Variants in ARID2 observed in about 807,000 individuals in gnomAD.
ARID2 encodes AT-rich interactive domain-containing protein 2.
ARID2 carries 32 observed loss-of-function variants against 184.6 expected under a neutral mutation model. The observed-to-expected ratio is 0.17, with a 90% confidence interval of 0.13 to 0.23. ARID2 has a LOEUF of 0.23. Ranked by LOEUF, ARID2 falls within the 10% of genes least tolerant of loss-of-function variation. The pLI is 1.00. For synonymous variants in ARID2, 836 were observed against 772.6 expected, an observed-to-expected ratio of 1.08 and a Z score of -1.36; for missense variants, 1,696 against 2,197.6, an observed-to-expected ratio of 0.77 and a Z score of 4.56.
rs575854513 is a variant in ARID2, at chr12:45,854,070, C to A, written c.4773+1174C>A. Among the ~76,000 whole-genome samples the A allele has an allele frequency of 2.6e-5, 4 of 152,270 alleles. No individual in the cohort carries two copies. The South Asian group carries it at 6.2e-4, about 24-fold the overall frequency. On this transcript the variant is annotated intron_variant, in intron 15 of 20. Transcript: ENST00000334344. ...GTCAGATCAGTGGCAGCATTAGATTCTCGTAGGACCACAAGCCCTATCGTG... is the reference window on the plus strand; with the variant it reads ...GTCAGATCAGTGGCAGCATTAGATTATCGTAGGACCACAAGCCCTATCGTG...
chr12:45,826,270 A>T (rs894076898), intron 6 of ARID2, among the ~76,000 whole-genome samples: 3 of 152,080 alleles, frequency 2.0e-5, no homozygotes, highest in Non-Finnish European at 4.4e-5. Flanking sequence ...AAAGTATTTC[A>T]ACAAATAGGA....
intron 16 of ARID2, among the ~76,000 whole-genome samples, chr12:45,888,534 G>T (rs1208350136): frequency 6.6e-6 from 1 of 152,140 alleles, no homozygotes; most frequent in Non-Finnish European, 1.5e-5. Context: ...CAGAGTAGAG[G>T]ATTAACAAGA....
chr12:45,743,998 ATTTTT>A (rs554183334), intron 3 of ARID2, among the ~76,000 whole-genome samples: 8 of 149,490 alleles, frequency 5.4e-5, no homozygotes, highest in Middle Eastern at 3.5e-3. Flanking sequence ...TTTATGATTG[ATTTTT>A]TTTTCTTTTT....
At chr12:45,786,611 G>C (rs1942199491) in intron 3 of ARID2, among the ~76,000 whole-genome samples, 1 of 152,140 alleles carries the variant, frequency 6.6e-6, no homozygotes, top group Non-Finnish European at 1.5e-5. Flanking sequence ...TAGAACTACT[G>C]TGTGATCCAG....
chr12:45,875,927 C>T (rs980115347), intron 16 of ARID2, among the ~76,000 whole-genome samples: 1 of 152,250 alleles, frequency 6.6e-6, no homozygotes, highest in East Asian at 1.9e-4. Flanking sequence ...AAGGCTCTTT[C>T]ACTTTCCTGA....
At chr12:45,858,111 C>T (rs954402724) in intron 15 of ARID2, among the ~76,000 whole-genome samples, 1 of 152,170 alleles carries the variant, frequency 6.6e-6, no homozygotes, top group African/African-American at 2.4e-5. Flanking sequence ...ATTCTTGTTC[C>T]TTACAAGGTT....
intron 4 of ARID2, among the ~76,000 whole-genome samples, chr12:45,814,374 G>A (rs924889297): frequency 2.6e-5 from 4 of 152,182 alleles, no homozygotes; most frequent in African/African-American, 9.7e-5. Flanking sequence ...ATATGGACGG[G>A]CGCGGTGTCT....
chr12:45,905,348 T>C lies in ARID2; in HGVS notation c.*270T>C, dbSNP rs1944510369. On this transcript the variant is annotated 3_prime_UTR_variant, in exon 21 of 21. Transcript: ENST00000334344. ...TATCTGCAGGATGTTTCAGATCTGA[T>C]AAATCCTGATGGAAACTGGTATGAT... The C allele has an allele frequency of 6.3e-6, 2 of 316,108 alleles. No individual in the cohort carries two copies. Among genetic ancestry groups the C allele is most frequent in the African/African-American group, 4.2e-5 (2 of 47,498 alleles). The allele number at this position is 316,108 out of a possible 1,614,324, so 19.6% of individuals were successfully genotyped here.
chr12:45,847,212 G>C (rs1172246748), intron 12 of ARID2, among the ~76,000 whole-genome samples: 1 of 152,054 alleles, frequency 6.6e-6, no homozygotes, highest in Admixed American at 6.6e-5. Context: ...TAAAATTTGT[G>C]TTAAAAAGTT....
At chr12:45,769,450 A>G (rs1000364060) in intron 3 of ARID2, among the ~76,000 whole-genome samples, 1 of 152,206 alleles carries the variant, frequency 6.6e-6, no homozygotes, top group African/African-American at 2.4e-5. Context: ...CTGGCAGAAG[A>G]CAGAATTAGT....
intron 3 of ARID2, among the ~76,000 whole-genome samples, chr12:45,745,431 A>G (rs1303884700): frequency 6.6e-6 from 1 of 152,206 alleles, no homozygotes; most frequent in African/African-American, 2.4e-5. Context: ...GATGGAAGGG[A>G]AAAGTAGAAA....
At chr12:45,858,807 C>T (rs1943695862) in intron 15 of ARID2, among the ~76,000 whole-genome samples, 1 of 152,156 alleles carries the variant, frequency 6.6e-6, no homozygotes, top group Non-Finnish European at 1.5e-5. Context: ...AATCCTCATC[C>T]TATTTGTGAT....
At chr12:45,770,965 A>G (rs1941864386) in intron 3 of ARID2, among the ~76,000 whole-genome samples, 1 of 152,128 alleles carries the variant, frequency 6.6e-6, no homozygotes, top group South Asian at 2.1e-4. Flanking sequence ...TCTGCCTGGC[A>G]TTTGACTGCC....
At chr12:45,812,206 TAA>T (rs887414224) in intron 4 of ARID2, among the ~76,000 whole-genome samples, 1 of 142,172 alleles carries the variant, frequency 7.0e-6, no homozygotes, top group Non-Finnish European at 1.5e-5. Flanking sequence ...ACATTTGGCC[TAA>T]AAAAAAAAAG....
At chr12:45,765,348 A>G (rs11183197) in intron 3 of ARID2, among the ~76,000 whole-genome samples, 14,257 of 152,092 alleles carry the variant, frequency 0.094, 2,283 homozygotes, top group African/African-American at 0.32. Flanking sequence ...CTGGGACTGC[A>G]GGCACACGCC....
At chr12:45,834,193 A>G (rs1943172898) in intron 6 of ARID2, among the ~76,000 whole-genome samples, 1 of 152,144 alleles carries the variant, frequency 6.6e-6, no homozygotes, top group Admixed American at 6.5e-5. Flanking sequence ...TGACTACTCC[A>G]GTACCATACT....
At chr12:45,865,852 A>G (rs1299949661) in intron 16 of ARID2, among the ~76,000 whole-genome samples, 1 of 152,154 alleles carries the variant, frequency 6.6e-6, no homozygotes, top group Non-Finnish European at 1.5e-5. Flanking sequence ...GGGACAATCC[A>G]AACTAGTTTC....
chr12:45,837,431 G>A lies in ARID2; in HGVS notation c.1120+14G>A, dbSNP rs1754190969. The A allele has an allele frequency of 1.2e-6, 2 of 1,609,690 alleles. No individual in the cohort carries two copies. The highest frequency in any genetic ancestry group is 2.7e-5 in the African/African-American group (2 of 74,712). On this transcript the variant is annotated intron_variant, in intron 9 of 20. Transcript: ENST00000334344. ...TAAAGATGAGAGGTGAGTTTTCACT[G>A]AAGTATTTACTTTCTAAAGTAAACA...
At chr12:45,831,115 A>C (rs1360237212) in intron 6 of ARID2, among the ~76,000 whole-genome samples, 1 of 151,000 alleles carries the variant, frequency 6.6e-6, no homozygotes, top group Non-Finnish European at 1.5e-5. Flanking sequence ...CTGCTGTTGT[A>C]TGTGTTTTCA....
Sources: gnomAD v4.1 joint callset for allele counts (sites outside exome capture counted in the v4.1 genomes callset) on GRCh38, gnomAD v4.1.1 for gene constraint, MANE v1.5 for transcripts, NCBI Gene and HGNC (gene_info 2026-07-23, HGNC 2026-07-21) for gene names.